DNAH14: variants seen among roughly 807,000 people sequenced by gnomAD.
The protein encoded by DNAH14 is axonemal beta dynein heavy chain 14.
DNAH14 carries 478 observed loss-of-function variants against 520.9 expected under a neutral mutation model. That is an observed-to-expected ratio of 0.92 (90% CI 0.85 to 0.99). DNAH14 has a LOEUF of 0.99. Among genes scored for constraint, DNAH14 ranks in the 50% least tolerant of loss-of-function variants. The pLI, the probability that DNAH14 is intolerant of heterozygous loss-of-function variation, is 0.00. For missense variants in DNAH14, 4,831 were observed against 5,234.5 expected (o/e 0.92, Z 2.38); for synonymous variants, 1,581 against 1,757.2 (o/e 0.90, Z 2.51).
chr1:225,118,821 T>G (rs1014052588), intron 25 of DNAH14, among the ~76,000 whole-genome samples: 1 of 147,864 alleles, frequency 6.8e-6, no homozygotes, highest in Non-Finnish European at 1.5e-5. Flanking sequence ...AGGTGGAGGT[T>G]GCAGTGACCC....
intron 83 of DNAH14, among the ~76,000 whole-genome samples, chr1:225,391,623 T>TG (rs1275732083): frequency 6.7e-6 from 1 of 149,804 alleles, no homozygotes; most frequent in Non-Finnish European, 1.5e-5. Flanking sequence ...AGGACAGGGG[T>TG]GGGGGGAGAA....
At chr1:225,131,557 C>T (rs577276093) in intron 27 of DNAH14, among the ~76,000 whole-genome samples, 1 of 152,248 alleles carries the variant, frequency 6.6e-6, no homozygotes, top group East Asian at 1.9e-4. Flanking sequence ...TTTGACCCAC[C>T]CAGATAATCC....
intron 64 of DNAH14, among the ~76,000 whole-genome samples, chr1:225,325,882 G>A (rs1048745671): frequency 2.0e-5 from 3 of 152,116 alleles, no homozygotes; most frequent in African/African-American, 7.2e-5. Context: ...GCTGTAGGCA[G>A]CCCCCACTCA....
At chr1:225,010,442 A>T (rs556068086) in intron 10 of DNAH14, among the ~76,000 whole-genome samples, 15 of 151,582 alleles carry the variant, frequency 9.9e-5, no homozygotes, top group Non-Finnish European at 3.0e-5. Context: ...CTAGGGATGA[A>T]CCTGACTTAA....
chr1:225,159,163 C>T (rs1474504553), intron 34 of DNAH14, among the ~76,000 whole-genome samples, 151 bp from the exon 35 acceptor site: 1 of 152,084 alleles, frequency 6.6e-6, no homozygotes, highest in Non-Finnish European at 1.5e-5. Context: ...CTGATTAATT[C>T]CACCCAAACC....
intron 8 of DNAH14, among the ~76,000 whole-genome samples, chr1:225,002,014 C>G (rs1291963311): frequency 6.6e-6 from 1 of 152,056 alleles, no homozygotes; most frequent in Non-Finnish European, 1.5e-5. Context: ...ATAAAGCCCT[C>G]AACTGTAAAA....
In DNAH14 at chr1:225,232,649, G is replaced by A. The variant is rs1013752458; in HGVS notation, c.6518+1498G>A. 3.3e-5 allele frequency among the ~76,000 whole-genome samples: 5 copies of A among 152,064 alleles called. No homozygotes were observed. Among genetic ancestry groups the A allele is most frequent in the South Asian group, 4.1e-4 (2 of 4,830 alleles). On this transcript the variant is annotated intron_variant, in intron 42 of 85. Coordinates refer to ENST00000682510, the MANE Select transcript of DNAH14 (RefSeq NM_001367479.1). The surrounding 1 kb of genome is among the most constrained non-coding windows in gnomAD (Gnocchi z 4.2). ...CTTTGACCTTATGGTCTTGGCACAC[G>A]TATTCCTTCTGCCCAAGATGTTCTT...
At chr1:224,967,972 C>T in intron 6 of DNAH14, 4 of 1,089,310 alleles carry the variant, frequency 3.7e-6, no homozygotes, top group Non-Finnish European at 4.5e-6. Context: ...CCCTTTTACA[C>T]TCTTATATAG....
chr1:225,290,647 G>GTATATATATATA (rs56045354), intron 55 of DNAH14, among the ~76,000 whole-genome samples: 2 of 57,560 alleles, frequency 3.5e-5, no homozygotes, highest in African/African-American at 1.4e-4. Context: ...GTGTGTGTGT[G>GTATATATATATA]TATATATATA....
intron 72 of DNAH14, 41 bp from the exon 73 acceptor site, chr1:225,353,762 T>C: frequency 1.9e-6 from 2 of 1,029,826 alleles, no homozygotes; most frequent in Non-Finnish European, 1.4e-6. Context: ...TAAAAAGTAT[T>C]TGACTGTTAA....
At position 225,333,313 on chromosome 1, in the gene DNAH14, A is replaced by G; in HGVS notation, c.9887A>G (p.Asn3296Ser). The G allele has an allele frequency of 6.4e-7, 1 of 1,551,556 alleles. No individual in the cohort carries two copies. Residue 3296 changes from asparagine to serine, a missense_variant, in exon 66 of 86, where the codon AAT (asparagine) becomes AGT (serine). Asn to Ser is a conservative substitution (Grantham distance 46). Coordinates refer to ENST00000682510, the MANE Select transcript of DNAH14 (RefSeq NM_001367479.1). ...DEKTRWQETI[N>S]QIDNKLEGIL... ...TAGACTCGATGGCAAGAAACAATCA[A>G]TCAAATAGATAACAAATTAGAAGGA...
At chr1:225,063,719 A>G (rs989004624) in intron 17 of DNAH14, among the ~76,000 whole-genome samples, 1 of 152,068 alleles carries the variant, frequency 6.6e-6, no homozygotes, top group Non-Finnish European at 1.5e-5. Context: ...TGGAGAGACA[A>G]AAGTTATCTG....
intron 8 of DNAH14, among the ~76,000 whole-genome samples, chr1:224,995,007 A>G (rs1045017123): frequency 6.6e-6 from 1 of 152,120 alleles, no homozygotes; most frequent in Non-Finnish European, 1.5e-5. Flanking sequence ...CGTAATATGT[A>G]TCCACTGACG....
At chr1:225,372,719 C>CA (rs1003347610) in intron 77 of DNAH14, among the ~76,000 whole-genome samples, 1 of 151,982 alleles carries the variant, frequency 6.6e-6, no homozygotes, top group Non-Finnish European at 1.5e-5. Flanking sequence ...TATTTGATTA[C>CA]AAAAAACTTT....
At chr1:225,250,870 C>T (rs1200042360) in intron 43 of DNAH14, among the ~76,000 whole-genome samples, 3 of 152,110 alleles carry the variant, frequency 2.0e-5, no homozygotes, top group African/African-American at 7.2e-5. Flanking sequence ...TATATCATTG[C>T]CAGGGAGTGT....
intron 78 of DNAH14, among the ~76,000 whole-genome samples, chr1:225,375,859 G>C (rs1454926773): frequency 2.6e-5 from 4 of 152,042 alleles, no homozygotes; most frequent in African/African-American, 9.6e-5. Context: ...AACCGAGGCA[G>C]GTGGACCACT....
chr1:225,025,935 A>G (rs2066080282), intron 11 of DNAH14, among the ~76,000 whole-genome samples: 2 of 152,098 alleles, frequency 1.3e-5, no homozygotes, highest in South Asian at 4.1e-4. Flanking sequence ...CTTTTTGGCC[A>G]TTTATATATG....
chr1:225,079,140 A>G (rs903209625), intron 17 of DNAH14, 67 bp from the exon 18 acceptor site: 1 of 1,349,786 alleles, frequency 7.4e-7, no homozygotes, highest in Non-Finnish European at 1.0e-6. Flanking sequence ...AGAAATTAAA[A>G]AGAGTAATTA....
Position 225,392,276 on chromosome 1 carries a change from T to C in DNAH14, c.13331-15T>C. On this transcript the variant is annotated splice_polypyrimidine_tract_variant and intron_variant, in intron 83 of 85. Transcript: ENST00000682510. Reference sequence around the variant, plus strand: ...GACTCACAAGGAACTTGATGGTGTGTGTTCTTCTCCAAAGCCTTTCTTGCT... The same window carrying C: ...GACTCACAAGGAACTTGATGGTGTGCGTTCTTCTCCAAAGCCTTTCTTGCT... 1 of 1,552,136 alleles carries C rather than the reference T, an allele frequency of 6.4e-7. No individual in the cohort carries two copies. Among genetic ancestry groups the C allele is most frequent in the Non-Finnish European group, 8.7e-7 (1 of 1,147,014 alleles).
Sources: gnomAD v4.1 joint callset for allele counts (sites outside exome capture counted in the v4.1 genomes callset) on GRCh38, gnomAD v4.1.1 for gene constraint, Gnocchi (gnomAD v3.1) non-coding constraint, MANE v1.5 for transcripts, NCBI Gene and HGNC (gene_info 2026-07-23, HGNC 2026-07-21) for gene names.